The following ZBTB20 variants were observed in gnomAD, a reference collection of about 807,000 sequenced individuals.
The protein encoded by ZBTB20 is zinc finger and BTB domain-containing protein 20.
A neutral mutation model predicts 56.9 loss-of-function variants in ZBTB20; 9 were observed. The observed-to-expected ratio is 0.16, with a 90% confidence interval of 0.10 to 0.28. ZBTB20 has a LOEUF of 0.28. Ranked by LOEUF, ZBTB20 falls within the 10% of genes least tolerant of loss-of-function variation. ZBTB20 has a pLI of 1.00. For missense variants in ZBTB20, 655 were observed against 1,003.0 expected, an observed-to-expected ratio of 0.65 and a Z score of 4.69; for synonymous variants, 417 against 420.7, an observed-to-expected ratio of 0.99 and a Z score of 0.11.
At position 114,796,915 on chromosome 3, in the gene ZBTB20, T is replaced by C. The variant is rs904551253; in HGVS notation, c.-343+4186A>G. On this transcript the variant is annotated intron_variant, in intron 5 of 11. Coordinates refer to ENST00000675478, the MANE Select transcript of ZBTB20 (RefSeq NM_001348800.3). ...TTCTGAGTTATCCATAGTGAAATAA[T>C]TGAAGTCATGTAACTCTGAGAAGCT... Among the ~76,000 whole-genome samples, 19 of 151,982 alleles carry C rather than the reference T, an allele frequency of 1.3e-4. 1 individual carries two copies. Among genetic ancestry groups the C allele is most frequent in the Admixed American group, 1.2e-3 (19 of 15,208 alleles).
chr3:114,452,492 T>A (rs539435401), intron 7 of ZBTB20, among the ~76,000 whole-genome samples: 1 of 152,260 alleles, frequency 6.6e-6, no homozygotes, highest in African/African-American at 2.4e-5. Context: ...TATCTGAGGA[T>A]CATTACTGAG....
rs939474351 is a variant in ZBTB20 at position 115,001,124 on chromosome 3, A to T, written c.-506-26708T>A. 3.7e-4 allele frequency among the ~76,000 whole-genome samples: 56 copies of T among 151,298 alleles called. 1 individual carries two copies. Among genetic ancestry groups the T allele is most frequent in the Admixed American group, 1.6e-3 (24 of 15,146 alleles). On this transcript the variant is annotated intron_variant, in intron 2 of 11. Coordinates refer to ENST00000675478, the MANE Select transcript of ZBTB20 (RefSeq NM_001348800.3). ...AAAAACAAATTTCTCACAAGTTAAA[A>T]AAAGGAGCCTATATTTCAAACTATT...
intron 7 of ZBTB20, among the ~76,000 whole-genome samples, chr3:114,492,352 T>C (rs1469946116): frequency 6.6e-6 from 1 of 152,170 alleles, no homozygotes; most frequent in Non-Finnish European, 1.5e-5. Context: ...ACTCAACATC[T>C]CAAAAACAGA....
At chr3:114,803,092 T>C (rs1044907654) in intron 4 of ZBTB20, among the ~76,000 whole-genome samples, 4 of 151,604 alleles carry the variant, frequency 2.6e-5, no homozygotes, top group African/African-American at 7.3e-5. Flanking sequence ...TTTCTGCTTG[T>C]TTCTTCTCCA....
chr3:114,880,971 C>T (rs924636355), intron 4 of ZBTB20, among the ~76,000 whole-genome samples: 18 of 151,950 alleles, frequency 1.2e-4, no homozygotes, highest in East Asian at 3.8e-4. Context: ...TAGTTTTACA[C>T]TGATAGCGTA....
chr3:114,946,442 G>T (rs112697068), intron 3 of ZBTB20, among the ~76,000 whole-genome samples: 3,100 of 145,188 alleles, frequency 0.021, 163 homozygotes, highest in South Asian at 0.036. Flanking sequence ...TTTTGGTAAA[G>T]AAAGACAAAT....
intron 5 of ZBTB20, among the ~76,000 whole-genome samples, chr3:114,702,687 G>GTGTA (rs1553791984): frequency 6.6e-6 from 1 of 151,702 alleles, no homozygotes; most frequent in Non-Finnish European, 1.5e-5. Context: ...GTGTGTGTGT[G>GTGTA]TGTATGTAAA....
intron 10 of ZBTB20, 93 bp downstream of exon 10, chr3:114,380,124 A>G: frequency 7.6e-7 from 1 of 1,317,616 alleles, no homozygotes; most frequent in Non-Finnish European, 9.9e-7. Context: ...CCAAATGCAA[A>G]GAGCTCGCTC....
intron 7 of ZBTB20, among the ~76,000 whole-genome samples, chr3:114,421,014 A>C (rs533660790): frequency 1.3e-5 from 2 of 152,304 alleles, no homozygotes; most frequent in East Asian, 3.9e-4. Context: ...CTTGGAGTCA[A>C]AGCTTTTCTC....
chr3:114,916,527 A>G (rs2075753097), intron 3 of ZBTB20, among the ~76,000 whole-genome samples: 1 of 152,062 alleles, frequency 6.6e-6, no homozygotes. Flanking sequence ...GCTCATTAAC[A>G]TCCCTTTCTT....
At chr3:114,809,342 C>T (rs529810582) in intron 4 of ZBTB20, among the ~76,000 whole-genome samples, 1 of 152,134 alleles carries the variant, frequency 6.6e-6, no homozygotes, top group East Asian at 1.9e-4. Context: ...CACAGGTCTC[C>T]GAAGCTCTGC....
chr3:114,756,612 ATTTTC>A (rs2068027072), intron 5 of ZBTB20, among the ~76,000 whole-genome samples: 1 of 152,074 alleles, frequency 6.6e-6, no homozygotes, highest in Non-Finnish European at 1.5e-5. Flanking sequence ...TTCCAGTATT[ATTTTC>A]TTTTAAGTAA....
intron 2 of ZBTB20, among the ~76,000 whole-genome samples, chr3:115,046,680 C>CA (rs1346480614): frequency 6.6e-6 from 1 of 152,076 alleles, no homozygotes; most frequent in Non-Finnish European, 1.5e-5. Context: ...TTCATAGTTG[C>CA]AAAATGTAGG....
At chr3:114,642,546 G>A (rs924156515) in intron 6 of ZBTB20, among the ~76,000 whole-genome samples, 2 of 151,992 alleles carry the variant, frequency 1.3e-5, no homozygotes, top group South Asian at 2.1e-4. Context: ...TTTTGTCTAG[G>A]AGAATGGCAG....
intron 6 of ZBTB20, among the ~76,000 whole-genome samples, chr3:114,545,805 T>C (rs918615383): frequency 1.3e-5 from 2 of 152,178 alleles, no homozygotes; most frequent in African/African-American, 4.8e-5. Context: ...AAAAACATCG[T>C]TTCCATATAC....
At chr3:114,565,520 C>G (rs1258034693) in intron 6 of ZBTB20, among the ~76,000 whole-genome samples, 2 of 152,152 alleles carry the variant, frequency 1.3e-5, no homozygotes, top group Non-Finnish European at 2.9e-5. Context: ...TTTTCTCCCC[C>G]CTTGCAAAAA....
At chr3:115,088,643 A>G (rs1185256439) in intron 1 of ZBTB20, among the ~76,000 whole-genome samples, 1 of 151,856 alleles carries the variant, frequency 6.6e-6, no homozygotes, top group Non-Finnish European at 1.5e-5. Context: ...AGCTATCCAT[A>G]CAGGATAAGT....
chr3:114,970,472 A>G (rs73857876), intron 3 of ZBTB20, among the ~76,000 whole-genome samples: 14,072 of 152,200 alleles, frequency 0.092, 1,910 homozygotes, highest in African/African-American at 0.3. Context: ...ATCTTGGACA[A>G]TGTTCGTGCT....
In ZBTB20 at chr3:114,486,119, A is replaced by AGTGTGTGTGT. The variant is rs150394898; in HGVS notation, c.-255+14223_-255+14232dup. Among the ~76,000 whole-genome samples the AGTGTGTGTGT allele has an allele frequency of 3.7e-4, 10 of 26,796 alleles. 4 individuals carry two copies. Among genetic ancestry groups the AGTGTGTGTGT allele is most frequent in the East Asian group, 2.4e-3 (2 of 826 alleles). 17.6% of individuals were successfully genotyped at this position (26,796 alleles called of 152,430 possible). A position where few individuals can be genotyped will look rare whatever the true frequency, so the allele number is the denominator to read the frequency against. On this transcript the variant is annotated intron_variant, in intron 7 of 11. Transcript: ENST00000675478. ...ATTCCAAATAATGGTGGTCAGTAAGAGTGTGTGTGTGTGTGTGTGGGGGGG... is the reference window on the plus strand; with the variant it reads ...ATTCCAAATAATGGTGGTCAGTAAGAGTGTGTGTGTGTGTGTGTGTGTGTGTGTGGGGGGG...
Sources: allele counts gnomAD v4.1 joint callset (sites outside exome capture counted in the v4.1 genomes callset), GRCh38; gene constraint gnomAD v4.1.1; transcripts MANE v1.5; gene names NCBI Gene and HGNC (gene_info 2026-07-23, HGNC 2026-07-21).